The following OPCML variants were observed in gnomAD, a reference collection of about 807,000 sequenced individuals.
OPCML encodes opioid-binding protein/cell adhesion molecule.
Under a neutral mutation model 37.8 loss-of-function variants are expected in OPCML, and 13 were observed. The ratio of observed to expected loss-of-function variants is 0.34; its 90% CI spans 0.22 to 0.55. The LOEUF is 0.55. Ranked by LOEUF, OPCML falls within the 20% of genes least tolerant of loss-of-function variation. OPCML has a pLI of 0.91. For synonymous variants in OPCML, 176 were observed against 168.8 expected (o/e 1.04, Z -0.33); for missense variants, 341 against 435.6 (o/e 0.78, Z 1.93).
chr11:133,277,973 C>T (rs1423190870), intron 1 of OPCML, among the ~76,000 whole-genome samples: 1 of 152,070 alleles, frequency 6.6e-6, no homozygotes, highest in Non-Finnish European at 1.5e-5. Flanking sequence ...ATCCTTGCTC[C>T]AGGTTAATGG....
intron 1 of OPCML, among the ~76,000 whole-genome samples, chr11:133,096,962 T>C (rs919492374): frequency 2.0e-5 from 3 of 152,156 alleles, no homozygotes; most frequent in African/African-American, 4.8e-5. Context: ...ATTTTAATGA[T>C]TGTCCCTCTT....
At chr11:133,164,838 T>A (rs886784248) in intron 1 of OPCML, among the ~76,000 whole-genome samples, 5 of 152,190 alleles carry the variant, frequency 3.3e-5, no homozygotes, top group Admixed American at 1.3e-4. Flanking sequence ...ACATAAAACA[T>A]TGACATAGAA....
intron 3 of OPCML, among the ~76,000 whole-genome samples, chr11:132,592,275 G>T (rs182577019): frequency 6.6e-6 from 1 of 152,340 alleles, no homozygotes; most frequent in East Asian, 1.9e-4. Flanking sequence ...TGGAGGCATT[G>T]TGAGAGATGG....
At chr11:133,334,201 A>T (rs1438462673) in intron 1 of OPCML, among the ~76,000 whole-genome samples, 1 of 152,254 alleles carries the variant, frequency 6.6e-6, no homozygotes, top group African/African-American at 2.4e-5. Context: ...ACAAATATTC[A>T]TTGCAGCACT....
chr11:132,683,436 A>T (rs182452018), intron 2 of OPCML, among the ~76,000 whole-genome samples: 18 of 152,306 alleles, frequency 1.2e-4, no homozygotes, highest in African/African-American at 4.3e-4. Context: ...CCTGGTTGAT[A>T]TGCTGCTCAG....
At chr11:132,546,330 G>C (rs1220213784) in intron 3 of OPCML, among the ~76,000 whole-genome samples, 1 of 151,858 alleles carries the variant, frequency 6.6e-6, no homozygotes, top group Admixed American at 6.6e-5. Flanking sequence ...GTGGTGTTTG[G>C]TTACATGAAT....
At chr11:133,006,386 G>T in intron 1 of OPCML, 1 of 950,680 alleles carries the variant, frequency 1.1e-6, no homozygotes, top group Non-Finnish European at 1.3e-6. Flanking sequence ...CTTGGCCATG[G>T]GACAAAGAAC....
intron 2 of OPCML, among the ~76,000 whole-genome samples, chr11:132,683,505 A>G (rs1175103902): frequency 6.6e-6 from 1 of 152,242 alleles, no homozygotes; most frequent in Non-Finnish European, 1.5e-5. Context: ...AAATCCTGCT[A>G]CCTATCAAAT....
intron 1 of OPCML, among the ~76,000 whole-genome samples, chr11:133,074,811 C>G (rs1948596469): frequency 6.6e-6 from 1 of 152,194 alleles, no homozygotes; most frequent in Non-Finnish European, 1.5e-5. Flanking sequence ...GACGGCTAAG[C>G]TTTAAAATGC....
At chr11:133,268,964 T>C (rs1299973453) in intron 1 of OPCML, among the ~76,000 whole-genome samples, 3 of 152,206 alleles carry the variant, frequency 2.0e-5, no homozygotes, top group Non-Finnish European at 4.4e-5. Context: ...GACCCAACTA[T>C]ATCATGTTTT....
At chr11:132,715,017 T>A (rs1444804257) in intron 2 of OPCML, among the ~76,000 whole-genome samples, 1 of 152,152 alleles carries the variant, frequency 6.6e-6, no homozygotes, top group Non-Finnish European at 1.5e-5. Context: ...TGACACTTAA[T>A]GGGGTCTCTG....
At chr11:132,980,383 T>C (rs1946557714) in intron 1 of OPCML, among the ~76,000 whole-genome samples, 2 of 152,360 alleles carry the variant, frequency 1.3e-5, no homozygotes, top group South Asian at 4.1e-4. Flanking sequence ...ATTATGAAAG[T>C]ACTATATTAA....
At chr11:132,949,923 C>T (rs186561223) in intron 1 of OPCML, among the ~76,000 whole-genome samples, 273 of 152,172 alleles carry the variant, frequency 1.8e-3, no homozygotes, top group African/African-American at 6.3e-3. Flanking sequence ...GTTGGAAGAG[C>T]GAAAAATCAA....
At chr11:133,158,270 G>T (rs1431879034) in intron 1 of OPCML, among the ~76,000 whole-genome samples, 1 of 152,152 alleles carries the variant, frequency 6.6e-6, no homozygotes, top group Non-Finnish European at 1.5e-5. Flanking sequence ...AAGATGGTTT[G>T]TGTTTCCGAA....
intron 2 of OPCML, among the ~76,000 whole-genome samples, chr11:132,823,835 G>A (rs999991031): frequency 1.3e-5 from 2 of 152,096 alleles, no homozygotes; most frequent in Admixed American, 6.5e-5. Flanking sequence ...CCTGTGTGTT[G>A]TGGCACATGA....
chr11:132,528,092 C>A (rs949137040), intron 4 of OPCML, among the ~76,000 whole-genome samples: 2 of 152,094 alleles, frequency 1.3e-5, no homozygotes, highest in East Asian at 1.9e-4. Flanking sequence ...AGATAAATTT[C>A]TGTTATTTAA....
chr11:132,936,044 G>A (rs1945359207), intron 2 of OPCML, among the ~76,000 whole-genome samples: 1 of 152,172 alleles, frequency 6.6e-6, no homozygotes, highest in Admixed American at 6.5e-5. Flanking sequence ...GTTGCTCAGT[G>A]TTTGCAGCGT....
chr11:132,999,341 G>A (rs1238669487), intron 1 of OPCML, among the ~76,000 whole-genome samples: 3 of 151,670 alleles, frequency 2.0e-5, no homozygotes, highest in Admixed American at 1.3e-4. Context: ...AGCACACACA[G>A]ACTCGGTTTG....
At chr11:133,257,603 G>A (rs988087222) in intron 1 of OPCML, among the ~76,000 whole-genome samples, 1 of 152,178 alleles carries the variant, frequency 6.6e-6, no homozygotes, top group African/African-American at 2.4e-5. Flanking sequence ...ATGGCTGAGA[G>A]CACCTCTCAA....
Sources: allele counts gnomAD v4.1 joint callset (sites outside exome capture counted in the v4.1 genomes callset), GRCh38; gene constraint gnomAD v4.1.1; transcripts MANE v1.5; gene names NCBI Gene and HGNC (gene_info 2026-07-23, HGNC 2026-07-21).